Variants in PDGFD observed in about 807,000 individuals in gnomAD.
PDGFD encodes the protein platelet derived growth factor D, also known as platelet-derived growth factor D.
Under a neutral mutation model 44.7 loss-of-function variants are expected in PDGFD, and 30 were observed. That is an observed-to-expected ratio of 0.67 (90% confidence interval 0.50 to 0.91). The LOEUF is 0.91. PDGFD is among the 40% of genes least tolerant of loss of function. The probability of loss-of-function intolerance (pLI) is 0.00; values close to 1 mark genes in which losing one functional copy is unlikely to be tolerated. For missense variants in PDGFD, 445 were observed against 457.8 expected (o/e 0.97, Z 0.25); for synonymous variants, 173 against 168.4 (o/e 1.03, Z -0.21).
At chr11:103,983,177 G>T (rs745536118) in intron 3 of PDGFD, among the ~76,000 whole-genome samples, 1 of 151,660 alleles carries the variant, frequency 6.6e-6, no homozygotes, top group Non-Finnish European at 1.5e-5. Context: ...TATACTTACA[G>T]GGTTACAGTA....
At chr11:104,148,627 T>C (rs1314783919) in intron 1 of PDGFD, among the ~76,000 whole-genome samples, 2 of 152,132 alleles carry the variant, frequency 1.3e-5, no homozygotes, top group Non-Finnish European at 2.9e-5. Flanking sequence ...GGGTACAAGT[T>C]CAGGTTTGTT....
At chr11:104,146,322 T>C (rs17102105) in intron 1 of PDGFD, among the ~76,000 whole-genome samples, 4,009 of 152,246 alleles carry the variant, frequency 0.026, 198 homozygotes, top group African/African-American at 0.091. Context: ...AGAAAAGAAG[T>C]GTGTTCCAGG....
intron 1 of PDGFD, among the ~76,000 whole-genome samples, chr11:104,136,804 T>G (rs1026626441): frequency 2.0e-5 from 3 of 152,218 alleles, no homozygotes; most frequent in Admixed American, 2.0e-4. Context: ...TCATCACTTT[T>G]ATATTTTATG....
Position 103,908,910 on chromosome 11 carries a change from TC to T in PDGFD, c.*783del, listed in dbSNP as rs1459730429. 8.5e-5 allele frequency: 13 copies of T among 152,234 alleles called. No homozygotes were observed. The highest frequency in any genetic ancestry group is 7.9e-4 in the Admixed American group (12 of 15,286). The allele number at this position is 152,234 out of a possible 1,614,324, so 9.4% of individuals were successfully genotyped here. ...AAATTCTGTTACAGCTTATACATTGTCTTTTGTAGGACTATAATAAAAAACC... is the reference window on the plus strand; with the variant it reads ...AAATTCTGTTACAGCTTATACATTGTTTTTGTAGGACTATAATAAAAAACC... On this transcript the variant is annotated 3_prime_UTR_variant, in exon 7 of 7. Coordinates refer to ENST00000393158, the MANE Select transcript of PDGFD (RefSeq NM_025208.5).
intron 2 of PDGFD, 136 bp downstream of exon 2, chr11:103,999,915 G>C (rs1859594965): frequency 4.0e-6 from 3 of 745,996 alleles, no homozygotes; most frequent in Admixed American, 5.4e-5. Flanking sequence ...AGGGTCTTTA[G>C]GCTTTTTGAA....
chr11:104,044,729 C>CTG lies in PDGFD; in HGVS notation c.125-44476_125-44475dup, dbSNP rs1860412298. On this transcript the variant is annotated intron_variant, in intron 1 of 6. Transcript: ENST00000393158. The stretch of plus-strand genomic sequence containing the variant: ...CCATCTCATCCCAGTTTGCCTGGGA[C>CTG]TGTCCTGGTTTTAAAACTGATATTC... 2.0e-5 allele frequency among the ~76,000 whole-genome samples: 3 copies of CTG among 152,136 alleles called. 1 individual carries two copies. In the South Asian group the frequency reaches 6.2e-4, roughly 32 times the overall value.
chr11:104,160,664 T>G (rs146834975), intron 1 of PDGFD, among the ~76,000 whole-genome samples: 40 of 152,312 alleles, frequency 2.6e-4, no homozygotes, highest in African/African-American at 7.0e-4. Flanking sequence ...TAAATTATTA[T>G]AGTTTAATCT....
chr11:103,948,059 C>T (rs1858689833), intron 3 of PDGFD, among the ~76,000 whole-genome samples: 1 of 152,152 alleles, frequency 6.6e-6, no homozygotes, highest in African/African-American at 2.4e-5. Flanking sequence ...GGAATCCTTA[C>T]ATTATAGGGC....
At chr11:104,025,943 C>A (rs1238682302) in intron 1 of PDGFD, among the ~76,000 whole-genome samples, 3 of 152,190 alleles carry the variant, frequency 2.0e-5, no homozygotes, top group Non-Finnish European at 4.4e-5. Context: ...CTGTTAGGCA[C>A]CACATGGGCT....
intron 1 of PDGFD, among the ~76,000 whole-genome samples, chr11:104,028,780 A>T (rs998019685): frequency 1.3e-5 from 1 of 76,134 alleles, no homozygotes; most frequent in Non-Finnish European, 3.6e-5. Context: ...GTTTTGAAGT[A>T]AAAAAAAAAT....
intron 1 of PDGFD, among the ~76,000 whole-genome samples, chr11:104,005,123 C>A (rs1480335965): frequency 6.6e-6 from 1 of 152,136 alleles, no homozygotes; most frequent in African/African-American, 2.4e-5. Flanking sequence ...AAGTGATCTG[C>A]CCACCTTGGC....
At chr11:103,916,239 T>A (rs777158426) in intron 6 of PDGFD, among the ~76,000 whole-genome samples, 1 of 151,868 alleles carries the variant, frequency 6.6e-6, no homozygotes, top group Non-Finnish European at 1.5e-5. Flanking sequence ...TTAAACAAAT[T>A]TACAAGAAAA....
chr11:104,122,098 C>A (rs1861785755), intron 1 of PDGFD, among the ~76,000 whole-genome samples: 1 of 151,880 alleles, frequency 6.6e-6, no homozygotes, highest in Admixed American at 6.6e-5. Flanking sequence ...CAAAAAGCAG[C>A]CCCAAGAAAT....
intron 1 of PDGFD, among the ~76,000 whole-genome samples, chr11:104,005,299 T>A (rs1859683993): frequency 6.6e-6 from 1 of 152,078 alleles, no homozygotes; most frequent in Admixed American, 6.5e-5. Context: ...GGTTCCAGAG[T>A]AGATGCTTCT....
At chr11:103,956,238 G>A (rs1422190096) in intron 3 of PDGFD, among the ~76,000 whole-genome samples, 3 of 149,426 alleles carry the variant, frequency 2.0e-5, no homozygotes, top group Admixed American at 6.6e-5. Flanking sequence ...ACAGTCCCCA[G>A]AGCGTGATGT....
At chr11:103,946,806 C>T (rs1246993994) in intron 4 of PDGFD, among the ~76,000 whole-genome samples, 2 of 152,132 alleles carry the variant, frequency 1.3e-5, no homozygotes, top group Non-Finnish European at 2.9e-5. Context: ...GCATCCATAC[C>T]AGGTGAATTA....
intron 3 of PDGFD, among the ~76,000 whole-genome samples, chr11:103,974,525 T>C (rs544410925): frequency 4.6e-4 from 70 of 152,318 alleles, no homozygotes; most frequent in Non-Finnish European, 5.9e-5. Flanking sequence ...GTTTGTTTCA[T>C]AGGTATACAC....
At chr11:104,029,011 C>A (rs1167659282) in intron 1 of PDGFD, among the ~76,000 whole-genome samples, 1 of 152,080 alleles carries the variant, frequency 6.6e-6, no homozygotes, top group Non-Finnish European at 1.5e-5. Context: ...ATAAGCAGCA[C>A]TGAAATATTT....
chr11:103,947,884 T>A (rs563187429), intron 3 of PDGFD, among the ~76,000 whole-genome samples, 160 bp from the exon 4 acceptor site: 4 of 152,252 alleles, frequency 2.6e-5, no homozygotes, highest in Admixed American at 2.6e-4. Flanking sequence ...CTTAAGCACA[T>A]CTCCTCAAGA....
Sources: allele counts gnomAD v4.1 joint callset (sites outside exome capture counted in the v4.1 genomes callset), GRCh38; gene constraint gnomAD v4.1.1; transcripts MANE v1.5; gene names NCBI Gene and HGNC (gene_info 2026-07-23, HGNC 2026-07-21).